The following HTR7 variants were observed in gnomAD, a reference collection of about 807,000 sequenced individuals.
The protein encoded by HTR7 is 5-hydroxytryptamine receptor 7.
A neutral mutation model predicts 34.0 loss-of-function variants in HTR7; 16 were observed. The observed-to-expected ratio is 0.47, with a 90% CI of 0.32 to 0.71. HTR7 has a LOEUF of 0.71. HTR7 is among the 30% of genes least tolerant of loss of function. HTR7 has a pLI of 0.04. For missense variants in HTR7, 504 were observed against 625.5 expected (o/e 0.81, Z 2.07); for synonymous variants, 265 against 260.2 (o/e 1.02, Z -0.18).
intron 1 of HTR7, among the ~76,000 whole-genome samples, chr10:90,830,682 G>C (rs1360929957): frequency 1.3e-5 from 2 of 151,750 alleles, no homozygotes; most frequent in Non-Finnish European, 2.9e-5. Context: ...CAGGTACTTG[G>C]AGGGCTGAGG....
intron 1 of HTR7, among the ~76,000 whole-genome samples, chr10:90,811,334 C>T (rs891214043): frequency 1.6e-4 from 24 of 152,140 alleles, no homozygotes; most frequent in Non-Finnish European, 3.2e-4. Context: ...TCACTCTCTA[C>T]AGCTCTCATA....
At position 90,749,188 on chromosome 10, in the gene HTR7, T is replaced by A; in HGVS notation, c.946A>T (p.Ile316Phe). Residue 316 changes from isoleucine to phenylalanine, a missense_variant, in exon 2 of 4, where the codon ATC becomes TTC. Transcript: ENST00000336152. The surrounding 1 kb of genome is among the most constrained non-coding windows in gnomAD (Gnocchi z 4.2). ...SRLLKHERKN[I>F]SIFKREQKAA... ...TTCTGTTCTCGCTTAAAGATGGAGA[T>A]GTTTTTCCTTTCATGCTTGAGGAGT... The A allele has an allele frequency of 6.2e-7, 1 of 1,614,120 alleles. No individual in the cohort carries two copies. Among genetic ancestry groups the A allele is most frequent in the South Asian group, 1.1e-5 (1 of 91,072 alleles).
At chr10:90,790,186 C>T (rs1164549412) in intron 1 of HTR7, among the ~76,000 whole-genome samples, 2 of 152,126 alleles carry the variant, frequency 1.3e-5, no homozygotes, top group African/African-American at 4.8e-5. Context: ...CATTGCTAAA[C>T]ATATTAATCA....
chr10:90,749,695 C>T lies in HTR7; in HGVS notation c.540-101G>A. 1 of 1,077,570 alleles carries T rather than the reference C, an allele frequency of 9.3e-7. No individual in the cohort carries two copies. Among genetic ancestry groups the T allele is most frequent in the Non-Finnish European group, 1.3e-6 (1 of 742,760 alleles). The allele number at this position is 1,077,570 out of a possible 1,614,324, so 66.8% of individuals were successfully genotyped here. On this transcript the variant is annotated intron_variant, in intron 1 of 3. Coordinates refer to ENST00000336152, the MANE Select transcript of HTR7 (RefSeq NM_019859.4). This position sits in a 1 kb window ranked among gnomAD's most constrained non-coding sequence, Gnocchi z 4.2. Reference sequence around the variant, plus strand: ...GTACCAGCGCCAGTCCTCGCAACAGCCCTTCTAGGTAGGCATCATTACTCC... The same window carrying T: ...GTACCAGCGCCAGTCCTCGCAACAGTCCTTCTAGGTAGGCATCATTACTCC...
chr10:90,795,976 C>T (rs1021233664), intron 1 of HTR7, among the ~76,000 whole-genome samples: 6 of 152,136 alleles, frequency 3.9e-5, no homozygotes, highest in African/African-American at 1.2e-4. Context: ...GGTTTTATCA[C>T]GCAGATGAAG....
chr10:90,832,107 G>A (rs1378134491), intron 1 of HTR7, among the ~76,000 whole-genome samples: 1 of 152,198 alleles, frequency 6.6e-6, no homozygotes, highest in Non-Finnish European at 1.5e-5. Flanking sequence ...AGCCCAGCTG[G>A]CTTCACCCAG....
chr10:90,770,739 C>T (rs1845096507), intron 1 of HTR7, among the ~76,000 whole-genome samples: 1 of 152,254 alleles, frequency 6.6e-6, no homozygotes, highest in South Asian at 2.1e-4. Flanking sequence ...CAGCTCGGCA[C>T]TGGCCTGCAG....
chr10:90,822,350 G>T (rs1845997293), intron 1 of HTR7, among the ~76,000 whole-genome samples: 1 of 152,216 alleles, frequency 6.6e-6, no homozygotes, highest in African/African-American at 2.4e-5. Flanking sequence ...GCAGCATTGT[G>T]CCTACCCCTG....
chr10:90,851,333 G>GC, intron 1 of HTR7, among the ~76,000 whole-genome samples: 1 of 152,300 alleles, frequency 6.6e-6, no homozygotes, highest in East Asian at 1.9e-4. Context: ...GAGGCTGGGT[G>GC]CGTTGGCTCA....
At chr10:90,778,173 T>C (rs1845248798) in intron 1 of HTR7, among the ~76,000 whole-genome samples, 1 of 152,224 alleles carries the variant, frequency 6.6e-6, no homozygotes, top group Non-Finnish European at 1.5e-5. Flanking sequence ...ATGGTTTGAA[T>C]GTCTGTCCCT....
At chr10:90,777,388 G>C (rs1363068725) in intron 1 of HTR7, among the ~76,000 whole-genome samples, 1 of 151,562 alleles carries the variant, frequency 6.6e-6, no homozygotes, top group Admixed American at 6.6e-5. Context: ...TGCTGAGGCA[G>C]GAGAATTGCT....
chr10:90,778,824 C>G (rs777300392), intron 1 of HTR7, among the ~76,000 whole-genome samples: 5 of 152,190 alleles, frequency 3.3e-5, no homozygotes, highest in Non-Finnish European at 5.9e-5. Context: ...TCCATGTGAT[C>G]TGCTTCTACC....
At chr10:90,782,831 TG>T (rs1341595135) in intron 1 of HTR7, among the ~76,000 whole-genome samples, 1 of 152,230 alleles carries the variant, frequency 6.6e-6, no homozygotes, top group African/African-American at 2.4e-5. Context: ...AGGTGTTTTT[TG>T]TTTGTTTGCT....
chr10:90,758,530 T>C (rs1028697517), intron 1 of HTR7, among the ~76,000 whole-genome samples: 1 of 151,680 alleles, frequency 6.6e-6, no homozygotes, highest in African/African-American at 2.4e-5. Flanking sequence ...AATAATAACA[T>C]CTCCCTGAAG....
chr10:90,782,230 A>G (rs1299221931), intron 1 of HTR7, among the ~76,000 whole-genome samples: 3 of 152,230 alleles, frequency 2.0e-5, no homozygotes, highest in Non-Finnish European at 2.9e-5. Context: ...GAGGACACTG[A>G]GCAGCTTCCA....
chr10:90,765,307 G>A (rs1424161501), intron 1 of HTR7, among the ~76,000 whole-genome samples: 1 of 152,090 alleles, frequency 6.6e-6, no homozygotes, highest in East Asian at 1.9e-4. Context: ...GCTACCCCTA[G>A]AAGTATCCCT....
rs184413141 is a variant in HTR7 at position 90,799,943 on chromosome 10, C to A, written c.540-50349G>T. On this transcript the variant is annotated intron_variant, in intron 1 of 3. Transcript: ENST00000336152. ...ATATATCTGATAAAGAGGTTGTATCCAGAATATATAAAGAACTGCTACAAT... is the reference window on the plus strand; with the variant it reads ...ATATATCTGATAAAGAGGTTGTATCAAGAATATATAAAGAACTGCTACAAT... Among the ~76,000 whole-genome samples, 9 of 152,064 alleles carry A rather than the reference C, an allele frequency of 5.9e-5. No homozygotes were observed. In the East Asian group the frequency reaches 1.2e-3, roughly 20 times the overall value.
chr10:90,843,390 G>C (rs1846359839), intron 1 of HTR7, among the ~76,000 whole-genome samples: 1 of 152,190 alleles, frequency 6.6e-6, no homozygotes, highest in Non-Finnish European at 1.5e-5. Context: ...ATTGAGGTGA[G>C]AATTAGGAAG....
chr10:90,786,924 G>A (rs917614759), intron 1 of HTR7, among the ~76,000 whole-genome samples: 1 of 152,294 alleles, frequency 6.6e-6, no homozygotes, highest in African/African-American at 2.4e-5. Context: ...AAAAATCATC[G>A]TCTGCGTTAC....
Sources: allele counts gnomAD v4.1 joint callset (sites outside exome capture counted in the v4.1 genomes callset), GRCh38; gene constraint gnomAD v4.1.1; non-coding constraint Gnocchi (gnomAD v3.1); transcripts MANE v1.5; gene names NCBI Gene and HGNC (gene_info 2026-07-23, HGNC 2026-07-21).